Variants in CLSTN2 observed in about 807,000 individuals in gnomAD.
The protein encoded by CLSTN2 is calsyntenin 2.
In CLSTN2, 48 loss-of-function variants were observed where a neutral mutation model predicts 101.2. The ratio of observed to expected loss-of-function variants is 0.47; its 90% CI spans 0.38 to 0.60. CLSTN2 has a LOEUF of 0.60. Ranked by LOEUF, CLSTN2 falls within the 20% of genes least tolerant of loss-of-function variation. The probability of loss-of-function intolerance (pLI) is 0.00; values close to 1 mark genes in which losing one functional copy is unlikely to be tolerated. For missense variants in CLSTN2, 1,160 were observed against 1,238.2 expected (o/e 0.94, Z 0.95); for synonymous variants, 481 against 463.6 (o/e 1.04, Z -0.48).
chr3:140,189,738 T>C (rs1419311150), intron 2 of CLSTN2, among the ~76,000 whole-genome samples: 1 of 152,152 alleles, frequency 6.6e-6, no homozygotes, highest in Non-Finnish European at 1.5e-5. Flanking sequence ...TACAGTTAGG[T>C]TGAGACTCCT....
chr3:140,022,431 G>A (rs2007337250), intron 1 of CLSTN2, among the ~76,000 whole-genome samples: 1 of 152,238 alleles, frequency 6.6e-6, no homozygotes. Flanking sequence ...TGGGTCTGGA[G>A]ATGGAGGCAA....
chr3:140,437,050 G>GTTTT (rs11382080), intron 5 of CLSTN2, among the ~76,000 whole-genome samples: 4 of 135,114 alleles, frequency 3.0e-5, no homozygotes, highest in African/African-American at 5.5e-5. Flanking sequence ...GGGAGGTTTG[G>GTTTT]TTTTTTTTTT....
intron 2 of CLSTN2, among the ~76,000 whole-genome samples, chr3:140,205,107 A>G (rs1302659426): frequency 6.6e-6 from 1 of 152,182 alleles, no homozygotes; most frequent in Non-Finnish European, 1.5e-5. Context: ...AAGAGGGAAG[A>G]CCTATTATTT....
chr3:140,294,593 A>G lies in CLSTN2; in HGVS notation c.233-109036A>G, dbSNP rs558583547. ...TTTTTTTTTTTGCCTGTTGGGAAAC[A>G]GAAACTCCATGAGCCTAGGAGATCA... On this transcript the variant is annotated intron_variant, in intron 2 of 16. Coordinates refer to ENST00000458420, the MANE Select transcript of CLSTN2 (RefSeq NM_022131.3). Among the ~76,000 whole-genome samples, 34 of 151,588 alleles carry G rather than the reference A, an allele frequency of 2.2e-4. 1 individual carries two copies. The highest frequency in any genetic ancestry group is 7.5e-4 in the African/African-American group (31 of 41,278).
intron 8 of CLSTN2, among the ~76,000 whole-genome samples, chr3:140,492,343 A>G (rs905561121): frequency 6.6e-6 from 1 of 152,220 alleles, no homozygotes; most frequent in Non-Finnish European, 1.5e-5. Context: ...GTGTTTATTA[A>G]AAGACATGTA....
chr3:140,555,390 A>G (rs1935773453), intron 10 of CLSTN2, among the ~76,000 whole-genome samples: 1 of 152,192 alleles, frequency 6.6e-6, no homozygotes, highest in Non-Finnish European at 1.5e-5. Flanking sequence ...AGGGAAAGCA[A>G]CTAATTTTGA....
chr3:140,301,517 A>G (rs2087058365), intron 2 of CLSTN2, among the ~76,000 whole-genome samples: 1 of 152,200 alleles, frequency 6.6e-6, no homozygotes, highest in Non-Finnish European at 1.5e-5. Context: ...TATTTCATGT[A>G]GCTTTTATAA....
chr3:140,241,130 A>T (rs140736136), intron 2 of CLSTN2, among the ~76,000 whole-genome samples: 2 of 152,204 alleles, frequency 1.3e-5, no homozygotes, highest in African/African-American at 4.8e-5. Context: ...AAAATTTCAA[A>T]GAAAACAAGA....
At chr3:140,278,629 G>C (rs2086816872) in intron 2 of CLSTN2, among the ~76,000 whole-genome samples, 1 of 152,228 alleles carries the variant, frequency 6.6e-6, no homozygotes, top group South Asian at 2.1e-4. Context: ...GCACAGATTA[G>C]TGCCAGGAAC....
At chr3:140,308,186 C>T (rs2087132706) in intron 2 of CLSTN2, among the ~76,000 whole-genome samples, 1 of 152,214 alleles carries the variant, frequency 6.6e-6, no homozygotes, top group African/African-American at 2.4e-5. Flanking sequence ...GGAACACTGA[C>T]AGTAGCAATA....
intron 2 of CLSTN2, among the ~76,000 whole-genome samples, chr3:140,386,165 C>T (rs7650468): frequency 2.0e-5 from 3 of 152,282 alleles, no homozygotes. Flanking sequence ...TAGCCCAATA[C>T]AGTATAATCT....
Position 140,558,739 on chromosome 3 carries a change from C to A in CLSTN2, c.1923C>A (p.Asp641Glu), listed in dbSNP as rs778526411. Residue 641 changes from aspartate (D) to glutamate (E), a missense_variant, in exon 12 of 17, where the codon GAC (aspartate) becomes GAA (glutamate). Transcript: ENST00000458420. Reference protein sequence around the residue: ...IEPRITLRGTDHFWRPAAQFE... With the variant: ...IEPRITLRGTEHFWRPAAQFE... ...CCCGGATCACCCTCCGGGGCACAGA[C>A]CACTTCTGGAGACCTGCTGCCCAGT... The A allele has an allele frequency of 6.2e-7, 1 of 1,613,956 alleles. No homozygotes were observed. Among genetic ancestry groups the A allele is most frequent in the African/African-American group, 1.3e-5 (1 of 74,892 alleles).
chr3:140,342,087 G>A (rs1200588026), intron 2 of CLSTN2, among the ~76,000 whole-genome samples: 2 of 152,162 alleles, frequency 1.3e-5, no homozygotes, highest in Non-Finnish European at 2.9e-5. Flanking sequence ...TCCTGGCCCA[G>A]GTAGCATTCC....
chr3:140,326,837 G>C (rs2087336159), intron 2 of CLSTN2, among the ~76,000 whole-genome samples: 1 of 152,112 alleles, frequency 6.6e-6, no homozygotes, highest in Non-Finnish European at 1.5e-5. Context: ...TTTTCCAAAA[G>C]TGCCCTCTAT....
At chr3:140,017,868 C>T (rs531182401) in intron 1 of CLSTN2, among the ~76,000 whole-genome samples, 1 of 152,332 alleles carries the variant, frequency 6.6e-6, no homozygotes, top group Non-Finnish European at 1.5e-5. Context: ...CATGCCAGGA[C>T]CTGGGAGCGG....
intron 3 of CLSTN2, 98 bp downstream of exon 3, chr3:140,403,922 C>A: frequency 9.8e-7 from 1 of 1,015,690 alleles, no homozygotes; most frequent in Non-Finnish European, 1.4e-6. Flanking sequence ...CCTCTTGTCA[C>A]ACAATGGTGC....
At chr3:140,011,544 A>T (rs1228760959) in intron 1 of CLSTN2, among the ~76,000 whole-genome samples, 1 of 152,138 alleles carries the variant, frequency 6.6e-6, no homozygotes, top group East Asian at 1.9e-4. Context: ...CCAAATGTGC[A>T]TTTTAAAATG....
intron 1 of CLSTN2, among the ~76,000 whole-genome samples, chr3:139,988,344 A>AG (rs11391739): frequency 0.33 from 49,788 of 152,030 alleles, 10,081 homozygotes; most frequent in Non-Finnish European, 0.46. Flanking sequence ...GGCAAACTTC[A>AG]CAGGTTAAAA....
chr3:140,315,295 A>G (rs992059218), intron 2 of CLSTN2, among the ~76,000 whole-genome samples: 2 of 152,316 alleles, frequency 1.3e-5, no homozygotes, highest in African/African-American at 2.4e-5. Flanking sequence ...AGTTATGCAC[A>G]ACACCTGCGA....
Sources: gnomAD v4.1 joint callset for allele counts (sites outside exome capture counted in the v4.1 genomes callset) on GRCh38, gnomAD v4.1.1 for gene constraint, MANE v1.5 for transcripts, NCBI Gene and HGNC (gene_info 2026-07-23, HGNC 2026-07-21) for gene names.